The following RMI2 variants were observed in gnomAD, a reference collection of about 807,000 sequenced individuals.
The protein encoded by RMI2 is RecQ mediated genome instability 2.
RMI2 carries 11 observed loss-of-function variants against 8.4 expected under a neutral mutation model. The observed-to-expected ratio is 1.32, with a 90% CI of 0.83 to 2.18. The LOEUF (loss-of-function observed/expected upper bound fraction) is 2.18, where lower values mean the gene tolerates loss of function less well. Ranked by LOEUF, RMI2 falls within the 30% of genes most tolerant of loss-of-function variation. RMI2 has a pLI of 0.00. For missense variants in RMI2, 253 were observed against 207.5 expected, an observed-to-expected ratio of 1.22 and a Z score of -1.35; for synonymous variants, 105 against 93.8, an observed-to-expected ratio of 1.12 and a Z score of -0.69.
At position 11,345,536 on chromosome 16, in the gene RMI2, C is replaced by T; in HGVS notation, c.65C>T (p.Pro22Leu). ...PAGVRLPRSP[P>L]LKVLAEQLRR... The stretch of plus-strand genomic sequence containing the variant: ...GGGGTGCGGCTTCCGAGGTCGCCGC[C>T]ACTCAAGGTGCTGGCGGAGCAGCTG... Residue 22 changes from proline (P) to leucine (L), a missense_variant, in exon 1 of 2, where the codon CCA becomes CTA. Physicochemically the swap from Pro to Leu is moderately conservative, Grantham distance 98. Coordinates refer to ENST00000312499, the MANE Select transcript of RMI2 (RefSeq NM_152308.3). The T allele has an allele frequency of 7.8e-7, 1 of 1,283,846 alleles. No homozygotes were observed. Among genetic ancestry groups the T allele is most frequent in the South Asian group, 2.6e-5 (1 of 38,452 alleles). The allele number at this position is 1,283,846 out of a possible 1,614,324, so 79.5% of individuals were successfully genotyped here. A position where few individuals can be genotyped will look rare whatever the true frequency, so the allele number is the denominator to read the frequency against.
At chr16:11,348,235 G>A (rs1407589514) in intron 1 of RMI2, 1 of 152,286 alleles carries the variant, frequency 6.6e-6, no homozygotes. Flanking sequence ...CTGGGACAGA[G>A]ACCCTATGGC....
rs749389763 is a variant in RMI2, at chr16:11,345,532, C to A, written c.61C>A (p.Pro21Thr). 62 of 1,287,332 alleles carry A rather than the reference C, an allele frequency of 4.8e-5. No homozygotes were observed. Among genetic ancestry groups the A allele is most frequent in the Middle Eastern group, 5.8e-4 (2 of 3,448 alleles). The allele number at this position is 1,287,332 out of a possible 1,614,324, so 79.7% of individuals were successfully genotyped here. ...CGCGGGGGTGCGGCTTCCGAGGTCGCCGCCACTCAAGGTGCTGGCGGAGCA... is the reference window on the plus strand; with the variant it reads ...CGCGGGGGTGCGGCTTCCGAGGTCGACGCCACTCAAGGTGCTGGCGGAGCA... ...GPAGVRLPRSPPLKVLAEQLR... is the reference protein window; with the variant it reads ...GPAGVRLPRSTPLKVLAEQLR... Residue 21 changes from proline (P) to threonine (T), a missense_variant, in exon 1 of 2, where the codon CCG becomes ACG. Coordinates refer to ENST00000312499, the MANE Select transcript of RMI2 (RefSeq NM_152308.3).
chr16:11,345,514 G>A lies in RMI2; in HGVS notation c.43G>A (p.Val15Met), dbSNP rs781647680. 7 of 1,302,508 alleles carry A rather than the reference G, an allele frequency of 5.4e-6. No homozygotes were observed. Among genetic ancestry groups the A allele is most frequent in the Non-Finnish European group, 6.9e-6 (7 of 1,021,198 alleles). The allele number at this position is 1,302,508 out of a possible 1,614,324, so 80.7% of individuals were successfully genotyped here. Residue 15 changes from valine (V) to methionine (M), a missense_variant, in exon 1 of 2, where the codon GTG becomes ATG. Transcript: ENST00000312499. ...CTCGTTCTCAGGCGGCCCCGCGGGGGTGCGGCTTCCGAGGTCGCCGCCACT... is the reference window on the plus strand; with the variant it reads ...CTCGTTCTCAGGCGGCCCCGCGGGGATGCGGCTTCCGAGGTCGCCGCCACT... ...ADSFSGGPAG[V>M]RLPRSPPLKV...
At chr16:11,347,652 T>C (rs899940863) in intron 1 of RMI2, among the ~76,000 whole-genome samples, 4 of 152,160 alleles carry the variant, frequency 2.6e-5, no homozygotes, top group African/African-American at 9.7e-5. Flanking sequence ...TCCCACTGCC[T>C]TACCCATCAG....
chr16:11,349,727 AGGCCCCACGTGCAGT>A lies in RMI2; in HGVS notation c.296-913_296-899del, dbSNP rs2070937740. Reference sequence around the variant, plus strand: ...TGCCTGGGGCTTCAGTCAAAGCCCCAGGCCCCACGTGCAGTGCAATGAAAGCCTCACGGGGCAGGC... The same window carrying A: ...TGCCTGGGGCTTCAGTCAAAGCCCCAGCAATGAAAGCCTCACGGGGCAGGC... On this transcript the variant is annotated intron_variant, in intron 1 of 1. Coordinates refer to ENST00000312499, the MANE Select transcript of RMI2 (RefSeq NM_152308.3). This position sits in a 1 kb window ranked among gnomAD's most constrained non-coding sequence, Gnocchi z 4.2. Among the ~76,000 whole-genome samples the A allele has an allele frequency of 6.6e-6, 1 of 152,180 alleles. No individual in the cohort carries two copies. Among genetic ancestry groups the A allele is most frequent in the Non-Finnish European group, 1.5e-5 (1 of 68,018 alleles).
intron 1 of RMI2, among the ~76,000 whole-genome samples, chr16:11,346,110 G>A (rs2070863292): frequency 6.6e-6 from 1 of 152,180 alleles, no homozygotes; most frequent in South Asian, 2.1e-4. Context: ...ACTGTCCTGG[G>A]AAACTTCTGC....
intron 1 of RMI2, among the ~76,000 whole-genome samples, chr16:11,347,968 A>G (rs1470843571): frequency 1.3e-5 from 2 of 152,040 alleles, no homozygotes; most frequent in Non-Finnish European, 2.9e-5. Flanking sequence ...TCTAGTAGAG[A>G]TGGGGTTTCA....
chr16:11,345,929 G>T (rs1034578777), intron 1 of RMI2, among the ~76,000 whole-genome samples, 163 bp downstream of exon 1: 1 of 90,296 alleles, frequency 1.1e-5, no homozygotes, highest in Admixed American at 9.1e-5. Flanking sequence ...CCCTTGCTCC[G>T]GTCCCTCCTT....
At chr16:11,346,348 C>G (rs918012876) in intron 1 of RMI2, among the ~76,000 whole-genome samples, 11 of 151,534 alleles carry the variant, frequency 7.3e-5, no homozygotes, top group African/African-American at 2.7e-4. Flanking sequence ...CAGCCTCCAC[C>G]TCCCGAATTC....
At chr16:11,345,953 T>C (rs2070859227) in intron 1 of RMI2, among the ~76,000 whole-genome samples, 187 bp downstream of exon 1, 1 of 152,244 alleles carries the variant, frequency 6.6e-6, no homozygotes, top group African/African-American at 2.4e-5. Flanking sequence ...GAAGTTGATC[T>C]GATGATAAGC....
At chr16:11,350,378 G>T (rs1235697104) in intron 1 of RMI2, among the ~76,000 whole-genome samples, 2 of 152,134 alleles carry the variant, frequency 1.3e-5, no homozygotes, top group Non-Finnish European at 2.9e-5. Flanking sequence ...ATCACCTGAG[G>T]TCAGGAGTTC....
At chr16:11,347,303 T>C (rs529165868) in intron 1 of RMI2, among the ~76,000 whole-genome samples, 21 of 152,226 alleles carry the variant, frequency 1.4e-4, no homozygotes, top group African/African-American at 4.8e-4. Context: ...CTCAGCTCCC[T>C]CTCCTGGGAA....
intron 1 of RMI2, among the ~76,000 whole-genome samples, chr16:11,346,976 A>G (rs985059436): frequency 6.6e-6 from 1 of 152,238 alleles, no homozygotes; most frequent in African/African-American, 2.4e-5. Flanking sequence ...TATCCTCAGC[A>G]TCTGGCCCAG....
At chr16:11,346,563 C>T (rs1218330304) in intron 1 of RMI2, among the ~76,000 whole-genome samples, 1 of 152,116 alleles carries the variant, frequency 6.6e-6, no homozygotes, top group Non-Finnish European at 1.5e-5. Context: ...GCCCTGCCTG[C>T]TTCCTCTCTT....
At position 11,350,861 on chromosome 16, in the gene RMI2, T is replaced by A. The variant is rs1009473982; in HGVS notation, c.*71T>A. 7.6e-7 allele frequency: 1 copy of A among 1,321,908 alleles called. No individual in the cohort carries two copies. Among genetic ancestry groups the A allele is most frequent in the Non-Finnish European group, 1.0e-6 (1 of 963,808 alleles). 81.9% of individuals were successfully genotyped at this position (1,321,908 alleles called of 1,614,324 possible). A position where few individuals can be genotyped will look rare whatever the true frequency, so the allele number is the denominator to read the frequency against. ...TTTAGAAGCTTATAATGATGTGGATTTCATGGACACTTTTCAATGCGTATT... is the reference window on the plus strand; with the variant it reads ...TTTAGAAGCTTATAATGATGTGGATATCATGGACACTTTTCAATGCGTATT... On this transcript the variant is annotated 3_prime_UTR_variant, in exon 2 of 2. Transcript: ENST00000312499.
chr16:11,346,367 C>T (rs1477439557), intron 1 of RMI2, among the ~76,000 whole-genome samples: 1 of 149,044 alleles, frequency 6.7e-6, no homozygotes, highest in East Asian at 2.0e-4. Context: ...TCAAGCGATT[C>T]TCATGCTTCA....
Position 11,351,515 on chromosome 16 carries a change from C to G in RMI2, c.*725C>G, listed in dbSNP as rs895126120. The G allele has an allele frequency of 8.6e-6, 2 of 232,126 alleles. No homozygotes were observed. Among genetic ancestry groups the G allele is most frequent in the Non-Finnish European group, 1.7e-5 (2 of 117,444 alleles). 14.4% of individuals were successfully genotyped at this position (232,126 alleles called of 1,614,324 possible). A position where few individuals can be genotyped will look rare whatever the true frequency, so the allele number is the denominator to read the frequency against. On this transcript the variant is annotated 3_prime_UTR_variant, in exon 2 of 2. Coordinates refer to ENST00000312499, the MANE Select transcript of RMI2 (RefSeq NM_152308.3). ...ATAAAGGACGCCTTTCAGGCATTAG[C>G]TAAACTTCCACTTCATAACTTTCGG...
Position 11,349,940 on chromosome 16 carries a change from C to T in RMI2, c.296-702C>T, listed in dbSNP as rs916506511. Among the ~76,000 whole-genome samples the T allele has an allele frequency of 4.6e-5, 7 of 152,168 alleles. No individual in the cohort carries two copies. Among genetic ancestry groups the T allele is most frequent in the African/African-American group, 1.7e-4 (7 of 41,428 alleles). On this transcript the variant is annotated intron_variant, in intron 1 of 1. Coordinates refer to ENST00000312499, the MANE Select transcript of RMI2 (RefSeq NM_152308.3). This position sits in a 1 kb window ranked among gnomAD's most constrained non-coding sequence, Gnocchi z 4.2. ...GTCATTAGATCATGCCGGTGGCAGC[C>T]GGCCCTTGTGTGGATTTGCTTGTAT...
Position 11,351,739 on chromosome 16 carries a change from C to T in RMI2, c.*949C>T, listed in dbSNP as rs7626. On this transcript the variant is annotated 3_prime_UTR_variant, in exon 2 of 2. Coordinates refer to ENST00000312499, the MANE Select transcript of RMI2 (RefSeq NM_152308.3). ...TTCACCTGGATTATTGATATTCTACCTCTAATAAATTTTTAATAGGCTGTA... is the reference window on the plus strand; with the variant it reads ...TTCACCTGGATTATTGATATTCTACTTCTAATAAATTTTTAATAGGCTGTA... The T allele has an allele frequency of 0.21, 44,697 of 211,156 alleles. 5,168 individuals are homozygous for T. Among genetic ancestry groups the T allele is most frequent in the Non-Finnish European group, 0.24 (25,470 of 104,718 alleles). The allele number at this position is 211,156 out of a possible 1,614,324, so 13.1% of individuals were successfully genotyped here. A position where few individuals can be genotyped will look rare whatever the true frequency, so the allele number is the denominator to read the frequency against.
Sources: allele counts gnomAD v4.1 joint callset (sites outside exome capture counted in the v4.1 genomes callset), GRCh38; gene constraint gnomAD v4.1.1; non-coding constraint Gnocchi (gnomAD v3.1); transcripts MANE v1.5; gene names NCBI Gene and HGNC (gene_info 2026-07-23, HGNC 2026-07-21).